The following GMDS variants were observed in gnomAD, a reference collection of about 807,000 sequenced individuals.
GMDS encodes the protein GDP-mannose 4,6 dehydratase.
GMDS carries 20 observed loss-of-function variants against 49.9 expected under a neutral mutation model. That is an observed-to-expected ratio of 0.40 (90% CI 0.28 to 0.58). GMDS has a LOEUF of 0.58. GMDS is among the 20% of genes least tolerant of loss of function. The pLI, the probability that GMDS is intolerant of heterozygous loss-of-function variation, is 0.42. For missense variants in GMDS, 362 were observed against 481.4 expected, an observed-to-expected ratio of 0.75 and a Z score of 2.32; for synonymous variants, 177 against 178.6, an observed-to-expected ratio of 0.99 and a Z score of 0.07.
chr6:2,107,907 C>T (rs533932153), intron 4 of GMDS, among the ~76,000 whole-genome samples: 8 of 152,306 alleles, frequency 5.3e-5, no homozygotes, highest in African/African-American at 1.9e-4. Context: ...GCATTCTGCT[C>T]ATAAGGAATC....
intron 1 of GMDS, among the ~76,000 whole-genome samples, chr6:2,181,107 G>A (rs1439136594): frequency 2.0e-5 from 3 of 147,242 alleles, no homozygotes; most frequent in South Asian, 2.2e-4. Flanking sequence ...CCCGGGTGGT[G>A]GAGCTTGCAG....
intron 6 of GMDS, among the ~76,000 whole-genome samples, chr6:1,931,344 G>A (rs1198596048): frequency 1.3e-5 from 2 of 152,232 alleles, no homozygotes; most frequent in African/African-American, 2.4e-5. Context: ...TGGCAAGAAC[G>A]TGGCTTAGCG....
chr6:1,771,960 G>A (rs1403300372), intron 7 of GMDS, among the ~76,000 whole-genome samples: 1 of 148,658 alleles, frequency 6.7e-6, no homozygotes, highest in South Asian at 2.2e-4. Context: ...GAAAGAAAAG[G>A]AAGAGCAGGC....
chr6:1,956,228 C>T (rs1763630971), intron 6 of GMDS, among the ~76,000 whole-genome samples: 1 of 152,136 alleles, frequency 6.6e-6, no homozygotes, highest in African/African-American at 2.4e-5. Context: ...GAGGCCCAGA[C>T]AACAAATATT....
chr6:2,055,063 G>A (rs959985232), intron 4 of GMDS, among the ~76,000 whole-genome samples: 1 of 151,998 alleles, frequency 6.6e-6, no homozygotes, highest in African/African-American at 2.4e-5. Context: ...ATATAAAATC[G>A]ACATTGTTAA....
intron 4 of GMDS, among the ~76,000 whole-genome samples, chr6:2,089,039 A>G (rs926270090): frequency 2.6e-5 from 4 of 152,244 alleles, no homozygotes; most frequent in South Asian, 2.1e-4. Flanking sequence ...ACGAAAAGCC[A>G]ATGGTAATAC....
At chr6:1,823,414 CTCA>C (rs1486438442) in intron 7 of GMDS, among the ~76,000 whole-genome samples, 1 of 152,174 alleles carries the variant, frequency 6.6e-6, no homozygotes, top group Non-Finnish European at 1.5e-5. Context: ...ACTGCAATAA[CTCA>C]TCAAGTCTAA....
chr6:1,645,055 C>G (rs1763444779), intron 9 of GMDS, among the ~76,000 whole-genome samples: 1 of 151,912 alleles, frequency 6.6e-6, no homozygotes, highest in African/African-American at 2.4e-5. Flanking sequence ...CTTGCCTCAG[C>G]CTCATGAGTA....
chr6:2,019,255 T>C (rs557792571), intron 4 of GMDS, among the ~76,000 whole-genome samples: 2 of 151,830 alleles, frequency 1.3e-5, no homozygotes, highest in South Asian at 4.2e-4. Flanking sequence ...CAAATAGAAA[T>C]AGTTTAACTT....
chr6:2,198,488 A>G (rs1561650113), intron 1 of GMDS, among the ~76,000 whole-genome samples: 1 of 152,178 alleles, frequency 6.6e-6, no homozygotes, highest in Non-Finnish European at 1.5e-5. Context: ...AGACTCTTCA[A>G]TGACCAAAAG....
intron 1 of GMDS, among the ~76,000 whole-genome samples, chr6:2,148,931 C>CTA (rs1776709827): frequency 6.6e-6 from 1 of 152,174 alleles, no homozygotes; most frequent in South Asian, 2.1e-4. Flanking sequence ...CACAAGCACC[C>CTA]TACCCTAGAG....
intron 1 of GMDS, among the ~76,000 whole-genome samples, chr6:2,184,206 A>C (rs757036514): frequency 2.6e-5 from 4 of 152,142 alleles, no homozygotes; most frequent in Non-Finnish European, 4.4e-5. Flanking sequence ...CTCTCGCCTG[A>C]CTACTGTAAT....
intron 6 of GMDS, among the ~76,000 whole-genome samples, chr6:1,955,365 A>G (rs987340168): frequency 6.6e-6 from 1 of 152,230 alleles, no homozygotes; most frequent in African/African-American, 2.4e-5. Flanking sequence ...CATATGAAAG[A>G]AAGCACCTGG....
At chr6:1,862,627 C>T (rs1030669233) in intron 7 of GMDS, among the ~76,000 whole-genome samples, 1 of 152,166 alleles carries the variant, frequency 6.6e-6, no homozygotes, top group Non-Finnish European at 1.5e-5. Flanking sequence ...TAGTCTTTGC[C>T]AAAGAACCTT....
intron 1 of GMDS, among the ~76,000 whole-genome samples, chr6:2,172,279 G>A (rs369336734): frequency 3.3e-5 from 5 of 152,198 alleles, no homozygotes; most frequent in South Asian, 2.1e-4. Flanking sequence ...TAAAAGGAGA[G>A]AGTGACAATA....
chr6:2,130,692 C>T (rs563910586), intron 1 of GMDS, among the ~76,000 whole-genome samples: 1 of 152,222 alleles, frequency 6.6e-6, no homozygotes, highest in East Asian at 1.9e-4. Context: ...GAATTCTCTC[C>T]CCCAAAACAC....
Position 1,624,554 on chromosome 6 carries a change from G to T in GMDS, c.988-14C>A, listed in dbSNP as rs751212479. 3.1e-6 allele frequency: 5 copies of T among 1,607,748 alleles called. No individual in the cohort carries two copies. In the South Asian group the frequency reaches 4.4e-5, roughly 14 times the overall value. ...CTGCAGAAAGTCCTAGGGAAGAAGA[G>T]GGGGAGACGAAGCAGGCGTGGGTCG... On this transcript the variant is annotated splice_polypyrimidine_tract_variant and intron_variant, in intron 9 of 10. Coordinates refer to ENST00000380815, the MANE Select transcript of GMDS (RefSeq NM_001500.4).
chr6:1,743,595 G>A (rs1767370114), intron 7 of GMDS, among the ~76,000 whole-genome samples: 1 of 151,594 alleles, frequency 6.6e-6, no homozygotes, highest in Non-Finnish European at 1.5e-5. Flanking sequence ...CTCAGTAGGA[G>A]CCAGGAGTCT....
At chr6:1,841,000 T>A (rs987196229) in intron 7 of GMDS, among the ~76,000 whole-genome samples, 16 of 152,156 alleles carry the variant, frequency 1.1e-4, no homozygotes, top group Non-Finnish European at 2.4e-4. Context: ...ATGAGTCAAA[T>A]TTTTTTCATG....
Sources: allele counts gnomAD v4.1 joint callset (sites outside exome capture counted in the v4.1 genomes callset), GRCh38; gene constraint gnomAD v4.1.1; transcripts MANE v1.5; gene names NCBI Gene and HGNC (gene_info 2026-07-23, HGNC 2026-07-21).